Variants in ST7 observed in about 807,000 individuals in gnomAD.
ST7 encodes the protein suppressor of tumorigenicity 7 protein.
Under a neutral mutation model 78.7 loss-of-function variants are expected in ST7, and 28 were observed. The observed-to-expected ratio is 0.36, with a 90% CI of 0.26 to 0.49. The LOEUF is 0.49. ST7 is among the 20% of genes least tolerant of loss of function. ST7 has a pLI of 0.99. For missense variants in ST7, 418 were observed against 696.0 expected (o/e 0.60, Z 4.49); for synonymous variants, 247 against 249.6 (o/e 0.99, Z 0.10).
intron 12 of ST7, among the ~76,000 whole-genome samples, chr7:117,193,177 ACACACG>A (rs1408874579): frequency 1.3e-5 from 2 of 151,686 alleles, no homozygotes; most frequent in African/African-American, 4.9e-5. Context: ...ACACACACAC[ACACACG>A]GTGCCTTGGA....
At chr7:117,076,113 A>G (rs1356013372) in intron 1 of ST7, among the ~76,000 whole-genome samples, 3 of 152,240 alleles carry the variant, frequency 2.0e-5, no homozygotes, top group East Asian at 1.9e-4. Flanking sequence ...CTGAACTCCC[A>G]TCTCCTCAGC....
At chr7:116,958,987 G>A (rs1447155759) in intron 1 of ST7, among the ~76,000 whole-genome samples, 1 of 152,158 alleles carries the variant, frequency 6.6e-6, no homozygotes, top group East Asian at 1.9e-4. Context: ...TTTGCCACAT[G>A]GATTGGTTTT....
chr7:117,134,961 G>A (rs1408390074), intron 7 of ST7, among the ~76,000 whole-genome samples: 1 of 152,038 alleles, frequency 6.6e-6, no homozygotes, highest in African/African-American at 2.4e-5. Context: ...TACATTAGCT[G>A]TGAAGTTCAG....
chr7:117,118,094 C>T (rs765620369), intron 2 of ST7: 2 of 153,024 alleles, frequency 1.3e-5, no homozygotes, highest in South Asian at 2.1e-4. Flanking sequence ...TGATAATTCA[C>T]GATAGGTTGA....
chr7:116,990,878 T>C (rs912543747), intron 1 of ST7, among the ~76,000 whole-genome samples: 1 of 152,248 alleles, frequency 6.6e-6, no homozygotes, highest in African/African-American at 2.4e-5. Flanking sequence ...AAAATTAATG[T>C]AACATTCATA....
intron 1 of ST7, among the ~76,000 whole-genome samples, chr7:116,958,162 A>ATTTT (rs34132237): frequency 0.073 from 6,884 of 94,166 alleles, 1 homozygote; most frequent in Non-Finnish European, 0.088. Flanking sequence ...TGCGTGGCTA[A>ATTTT]TTTTTTTTTT....
At position 117,129,920 on chromosome 7, in the gene ST7, TG is replaced by T. The variant is rs1804195719; in HGVS notation, c.449+75del. The T allele has an allele frequency of 3.1e-6, 4 of 1,301,308 alleles. No individual in the cohort carries two copies. The South Asian group carries it at 3.8e-5, about 12-fold the overall frequency. The allele number at this position is 1,301,308 out of a possible 1,614,324, so 80.6% of individuals were successfully genotyped here. A position where few individuals can be genotyped will look rare whatever the true frequency, so the allele number is the denominator to read the frequency against. ...CAAAGACAGCAGCAAATGTTTTTGC[TG>T]GTTCATTTAGGGGTCATTGTAACAG... On this transcript the variant is annotated intron_variant, in intron 4 of 15. Transcript: ENST00000323984.
At chr7:116,991,847 G>A (rs548457180) in intron 1 of ST7, among the ~76,000 whole-genome samples, 10 of 152,214 alleles carry the variant, frequency 6.6e-5, no homozygotes, top group East Asian at 5.8e-4. Flanking sequence ...AGCTAATTAC[G>A]TCCTAGTACA....
intron 1 of ST7, among the ~76,000 whole-genome samples, chr7:117,060,304 G>GA (rs1018888680): frequency 6.6e-6 from 1 of 152,142 alleles, no homozygotes; most frequent in African/African-American, 2.4e-5. Flanking sequence ...AGTTGTAAAG[G>GA]AAATGTGGAG....
chr7:117,033,048 G>T (rs1228971952), intron 1 of ST7, among the ~76,000 whole-genome samples: 1 of 152,160 alleles, frequency 6.6e-6, no homozygotes, highest in African/African-American at 2.4e-5. Flanking sequence ...CTGTAAAATG[G>T]GGATAATATT....
chr7:116,977,459 A>G (rs945200547), intron 1 of ST7, among the ~76,000 whole-genome samples: 13 of 152,222 alleles, frequency 8.5e-5, no homozygotes, highest in Admixed American at 3.3e-4. Flanking sequence ...GAAGGAAGAA[A>G]GGCACCCACA....
chr7:117,186,498 C>T (rs1809274363), intron 10 of ST7, among the ~76,000 whole-genome samples: 1 of 152,198 alleles, frequency 6.6e-6, no homozygotes, highest in Non-Finnish European at 1.5e-5. Context: ...CATCACACTA[C>T]TCAGAATGGC....
At chr7:117,217,057 C>G (rs933865304) in intron 13 of ST7, among the ~76,000 whole-genome samples, 2 of 152,046 alleles carry the variant, frequency 1.3e-5, no homozygotes, top group South Asian at 4.1e-4. Context: ...GAAAAGACAC[C>G]AACCAACCAT....
At chr7:117,032,363 T>C (rs1796647308) in intron 1 of ST7, among the ~76,000 whole-genome samples, 2 of 152,064 alleles carry the variant, frequency 1.3e-5, no homozygotes, top group African/African-American at 4.8e-5. Context: ...TTGCCAAATA[T>C]TCACATTTCT....
In ST7 at chr7:117,002,813, CTTTTTTTTTTT is replaced by C. The variant is rs397970060; in HGVS notation, c.151+49138_151+49148del. Among the ~76,000 whole-genome samples, 19 of 72,146 alleles carry C rather than the reference CTTTTTTTTTTT, an allele frequency of 2.6e-4. 1 individual carries two copies. Among genetic ancestry groups the C allele is most frequent in the East Asian group, 5.1e-4 (1 of 1,972 alleles). 47.3% of individuals were successfully genotyped at this position (72,146 alleles called of 152,430 possible). On this transcript the variant is annotated intron_variant, in intron 1 of 15. Coordinates refer to ENST00000323984, the MANE Select transcript of ST7 (RefSeq NM_001369598.1). ...AGATGCATCTACTGAATTTTTTTTCCTTTTTTTTTTTTTTTTTTTTTTTTTTGAGATGGAGT... is the reference window on the plus strand; with the variant it reads ...AGATGCATCTACTGAATTTTTTTTCCTTTTTTTTTTTTTTTGAGATGGAGT...
At chr7:117,204,438 A>T (rs1406505950) in intron 12 of ST7, among the ~76,000 whole-genome samples, 2 of 152,204 alleles carry the variant, frequency 1.3e-5, no homozygotes, top group Non-Finnish European at 2.9e-5. Flanking sequence ...GTAGCTAAAC[A>T]GTAGAGCCAG....
At chr7:117,123,101 A>G (rs78518330) in intron 3 of ST7, among the ~76,000 whole-genome samples, 3 of 152,178 alleles carry the variant, frequency 2.0e-5, no homozygotes, top group Admixed American at 2.0e-4. Context: ...TGAATTGTAC[A>G]TGAAATATAA....
At chr7:117,162,583 AG>A (rs968443772) in intron 9 of ST7, among the ~76,000 whole-genome samples, 3 of 151,572 alleles carry the variant, frequency 2.0e-5, no homozygotes, top group Non-Finnish European at 4.4e-5. Flanking sequence ...TGGACTAAAC[AG>A]TCTCTAGGGG....
chr7:117,007,939 A>C (rs905199227), intron 1 of ST7, among the ~76,000 whole-genome samples: 2 of 152,182 alleles, frequency 1.3e-5, no homozygotes, highest in African/African-American at 4.8e-5. Context: ...ACTTCACTAC[A>C]TTTTCTCTTA....
Sources: gnomAD v4.1 joint callset for allele counts (sites outside exome capture counted in the v4.1 genomes callset) on GRCh38, gnomAD v4.1.1 for gene constraint, MANE v1.5 for transcripts, NCBI Gene and HGNC (gene_info 2026-07-23, HGNC 2026-07-21) for gene names.